NPIPB8: variants seen among roughly 807,000 people sequenced by gnomAD.
The protein encoded by NPIPB8 is nuclear pore complex interacting protein family member B8.
Under a neutral mutation model 5.3 loss-of-function variants are expected in NPIPB8, and 3 were observed. That is an observed-to-expected ratio of 0.57 (90% confidence interval 0.26 to 1.47). The LOEUF is 1.47. Among genes scored for constraint, NPIPB8 ranks in the 40% most tolerant of loss-of-function variants. The pLI, the probability that NPIPB8 is intolerant of heterozygous loss-of-function variation, is 0.13. For missense variants in NPIPB8, 50 were observed against 50.2 expected (o/e 1.00, Z 0.01); for synonymous variants, 18 against 23.0 (o/e 0.78, Z 0.62).
intron 2 of NPIPB8, among the ~76,000 whole-genome samples, chr16:28,642,002 G>A (rs1407573346): frequency 6.7e-6 from 1 of 149,824 alleles, no homozygotes; most frequent in Non-Finnish European, 1.5e-5. Flanking sequence ...AACCCTTCAT[G>A]GACATTATAG....
chr16:28,642,396 G>C (rs1174622044), intron 2 of NPIPB8, among the ~76,000 whole-genome samples: 2 of 147,504 alleles, frequency 1.4e-5, no homozygotes, highest in East Asian at 4.2e-4. Flanking sequence ...GAGCCACCAT[G>C]CCCAGCCAAA....
chr16:28,637,941 T>C (rs755746366), upstream of NPIPB8: 17 of 625,640 alleles, frequency 2.7e-5, no homozygotes, highest in African/African-American at 4.0e-5. Context: ...AAATCACTAA[T>C]GCTTTTTAGA....
In NPIPB8 at chr16:28,638,397, C is replaced by T; in HGVS notation, c.37C>T (p.Leu13=). The T allele has an allele frequency of 3.8e-6, 6 of 1,571,382 alleles. No homozygotes were observed. The highest frequency in any genetic ancestry group is 5.1e-6 in the Non-Finnish European group (6 of 1,166,100). ...KLSIVLTPQF[L]SHDQGQLTKE... ...CTCTATTGTCCTGACCCCACAGTTC[C>T]TGTCCCATGACCAGGGCCAGCTCAC... Residue 13 remains leucine (L), a synonymous_variant, in exon 2 of 8, where the codon CTG becomes TTG. Transcript: ENST00000683297.
intron 2 of NPIPB8, chr16:28,644,568 G>A: frequency 1.3e-6 from 2 of 1,523,730 alleles, no homozygotes; most frequent in Non-Finnish European, 1.8e-6. Context: ...GACACCTCAG[G>A]GCGCCCTGAA....
intron 2 of NPIPB8, among the ~76,000 whole-genome samples, chr16:28,639,459 T>A (rs796150787): frequency 0.064 from 6,904 of 108,558 alleles, 339 homozygotes; most frequent in African/African-American, 0.18. Flanking sequence ...ATATATATTT[T>A]TTTTTTTTTT....
intron 2 of NPIPB8, among the ~76,000 whole-genome samples, chr16:28,642,289 A>G (rs994601141): frequency 2.0e-5 from 3 of 151,466 alleles, no homozygotes; most frequent in African/African-American, 7.3e-5. Flanking sequence ...TATTTTTAGT[A>G]GAGACAGGGT....
At chr16:28,651,703 C>G (rs1321893612) in intron 3 of NPIPB8, among the ~76,000 whole-genome samples, 3 of 88,302 alleles carry the variant, frequency 3.4e-5, no homozygotes, top group Non-Finnish European at 6.6e-5. Flanking sequence ...GATCTCGGCT[C>G]ACTGCAACCT....
At position 28,652,280 on chromosome 16, in the gene NPIPB8, G is replaced by C; in HGVS notation, c.515G>C (p.Arg172Thr). Residue 172 changes from arginine to threonine, a missense_variant, in exon 5 of 8, where the codon AGA becomes ACA. Arg to Thr is a moderately conservative substitution (Grantham distance 71). Coordinates refer to ENST00000683297, the MANE Select transcript of NPIPB8 (RefSeq NM_001310136.2). ...TLRRHVETKV[R>T]AKIRKRKVTT... ...CGGAGGCATGTGGAAACAAAAGTTAGAGCTAAAATCCGTAAGAGGAAGGTG... is the reference window on the plus strand; with the variant it reads ...CGGAGGCATGTGGAAACAAAAGTTACAGCTAAAATCCGTAAGAGGAAGGTG... 2.9e-6 allele frequency: 1 copy of C among 339,296 alleles called. No individual in the cohort carries two copies. The highest frequency in any genetic ancestry group is 4.9e-6 in the Non-Finnish European group (1 of 203,168). 21.0% of individuals were successfully genotyped at this position (339,296 alleles called of 1,614,324 possible).
rs534950038 is a variant in NPIPB8 at position 28,639,752 on chromosome 16, C to T, written c.120+1272C>T. 6.0e-5 allele frequency among the ~76,000 whole-genome samples: 9 copies of T among 150,680 alleles called. No homozygotes were observed. In the South Asian group the frequency reaches 1.9e-3, roughly 31 times the overall value. ...ATAGGTGTGAGCCGCTACACCCCGTCCAAGATAAAATTATTTTAACAATAT... is the reference window on the plus strand; with the variant it reads ...ATAGGTGTGAGCCGCTACACCCCGTTCAAGATAAAATTATTTTAACAATAT... On this transcript the variant is annotated intron_variant, in intron 2 of 7. Transcript: ENST00000683297.
chr16:28,644,532 C>T, intron 2 of NPIPB8: 1 of 1,397,008 alleles, frequency 7.2e-7, no homozygotes, highest in Non-Finnish European at 9.4e-7. Context: ...TCCCCCCTGC[C>T]CTAAGCCACC....
At chr16:28,644,583 C>T (rs771707527) in intron 2 of NPIPB8, 92 of 1,519,154 alleles carry the variant, frequency 6.1e-5, no homozygotes, top group East Asian at 1.5e-4. Flanking sequence ...CCTGAAAGGA[C>T]CAGGACATGC....
At chr16:28,639,005 G>A (rs1272149780) in intron 2 of NPIPB8, among the ~76,000 whole-genome samples, 6 of 149,922 alleles carry the variant, frequency 4.0e-5, no homozygotes, top group Admixed American at 3.3e-4. Context: ...GGAGGTGGAG[G>A]TTTTAGTGGG....
intron 2 of NPIPB8, among the ~76,000 whole-genome samples, chr16:28,639,606 C>T (rs969938421): frequency 7.8e-6 from 1 of 127,972 alleles, no homozygotes; most frequent in Non-Finnish European, 1.7e-5. Context: ...CAGGTGTGCA[C>T]CATCATGCCC....
intron 2 of NPIPB8, among the ~76,000 whole-genome samples, chr16:28,642,251 G>A (rs923848529): frequency 3.3e-5 from 5 of 151,614 alleles, no homozygotes; most frequent in African/African-American, 9.7e-5. Flanking sequence ...GATTACAGGT[G>A]TGTGCCACCA....
rs1224171921 is a variant in NPIPB8, at chr16:28,644,273, G to A, written c.121-3862G>A. On this transcript the variant is annotated intron_variant, in intron 2 of 7. Transcript: ENST00000683297. ...TCCTGTTGCTTCCCTGATCTTCTCC[G>A]TGACCTGTAGCTAAACCTTCCACCA... 4.9e-5 allele frequency among the ~76,000 whole-genome samples: 5 copies of A among 101,380 alleles called. 1 individual carries two copies. Among genetic ancestry groups the A allele is most frequent in the African/African-American group, 1.0e-4 (2 of 19,186 alleles). The allele number at this position is 101,380 out of a possible 152,430, so 66.5% of individuals were successfully genotyped here.
chr16:28,651,604 T>TTTTG (rs1190168126), intron 3 of NPIPB8, among the ~76,000 whole-genome samples: 7 of 39,158 alleles, frequency 1.8e-4, no homozygotes, highest in Middle Eastern at 0.01. Flanking sequence ...CATGTCATTC[T>TTTTG]TGTGTGTGTG....
At chr16:28,642,536 G>C (rs527356132) in intron 2 of NPIPB8, among the ~76,000 whole-genome samples, 5 of 151,122 alleles carry the variant, frequency 3.3e-5, no homozygotes, top group Admixed American at 1.3e-4. Context: ...CTAGGCTGGA[G>C]TGCAGTGGTG....
chr16:28,639,055 C>T lies in NPIPB8; in HGVS notation c.120+575C>T, dbSNP rs1238903514. On this transcript the variant is annotated intron_variant, in intron 2 of 7. Transcript: ENST00000683297. ...TTGCACTCCAGACTGTGCGACAGAG[C>T]GAGACTCTGTCAAAAAAAAAAAAAA... Among the ~76,000 whole-genome samples the T allele has an allele frequency of 1.3e-4, 18 of 143,486 alleles. No individual in the cohort carries two copies. The East Asian group carries it at 3.0e-3, about 24-fold the overall frequency. 94.1% of individuals were successfully genotyped at this position (143,486 alleles called of 152,430 possible).
chr16:28,640,604 G>A (rs1005015115), intron 2 of NPIPB8, among the ~76,000 whole-genome samples: 2 of 152,148 alleles, frequency 1.3e-5, no homozygotes, highest in Admixed American at 6.6e-5. Flanking sequence ...GTGTCAGCCT[G>A]CATGGGAGAC....
Sources: allele counts gnomAD v4.1 joint callset (sites outside exome capture counted in the v4.1 genomes callset), GRCh38; gene constraint gnomAD v4.1.1; transcripts MANE v1.5; gene names NCBI Gene and HGNC (gene_info 2026-07-23, HGNC 2026-07-21).